The following ELP4 variants were observed in gnomAD, a reference collection of about 807,000 sequenced individuals.
The protein encoded by ELP4 is elongator acetyltransferase complex subunit 4, also known as elongator complex protein 4.
In ELP4, 51 loss-of-function variants were observed where a neutral mutation model predicts 48.9. The ratio of observed to expected loss-of-function variants is 1.04; its 90% CI spans 0.83 to 1.32. ELP4 has a LOEUF of 1.32. Ranked by LOEUF, ELP4 falls within the 40% of genes most tolerant of loss-of-function variation. The probability of loss-of-function intolerance (pLI) is 0.00; values close to 1 mark genes in which losing one functional copy is unlikely to be tolerated. For synonymous variants in ELP4, 210 were observed against 189.2 expected (o/e 1.11, Z -0.90); for missense variants, 519 against 514.6 (o/e 1.01, Z -0.08).
At chr11:31,536,337 A>C (rs1956501115) in intron 2 of ELP4, among the ~76,000 whole-genome samples, 1 of 151,950 alleles carries the variant, frequency 6.6e-6, no homozygotes, top group African/African-American at 2.4e-5. Context: ...AAACTGCCAA[A>C]CTGTTTTTGT....
intron 9 of ELP4, chr11:31,707,201 G>T: frequency 2.6e-6 from 1 of 387,530 alleles, no homozygotes; most frequent in Non-Finnish European, 4.6e-6. Context: ...CCCACCAACA[G>T]TGTAATACGT....
intron 9 of ELP4, among the ~76,000 whole-genome samples, chr11:31,740,134 G>A (rs796885550): frequency 6.6e-5 from 10 of 152,220 alleles, no homozygotes; most frequent in African/African-American, 9.6e-5. Context: ...TGGTTTGGCT[G>A]TCAGGCCTAG....
intron 4 of ELP4, among the ~76,000 whole-genome samples, chr11:31,596,000 A>G (rs1201015510): frequency 6.6e-6 from 1 of 152,024 alleles, no homozygotes; most frequent in African/African-American, 2.4e-5. Flanking sequence ...TCACTTTCTT[A>G]CTCACCAATG....
chr11:31,594,721 G>A, intron 3 of ELP4, 49 bp from the exon 4 acceptor site: 1 of 1,368,490 alleles, frequency 7.3e-7, no homozygotes. Context: ...TAAGAAAATT[G>A]TCATATTTTA....
Position 31,661,961 on chromosome 11 carries a change from G to C in ELP4, c.1143+11740G>C, listed in dbSNP as rs190599361. Among the ~76,000 whole-genome samples, 596 of 152,062 alleles carry C rather than the reference G, an allele frequency of 3.9e-3. 5 individuals are homozygous for C. Among genetic ancestry groups the C allele is most frequent in the African/African-American group, 0.014 (568 of 41,516 alleles). The stretch of plus-strand genomic sequence containing the variant: ...GATACCACTTCCATAACAGAATCTA[G>C]GACTAATCCTTATTGAAGAATCATC... On this transcript the variant is annotated intron_variant, in intron 9 of 9. Coordinates refer to ENST00000640961, the MANE Select transcript of ELP4 (RefSeq NM_019040.5).
chr11:31,546,826 G>A (rs1956730349), intron 3 of ELP4, among the ~76,000 whole-genome samples: 1 of 152,104 alleles, frequency 6.6e-6, no homozygotes, highest in Non-Finnish European at 1.5e-5. Context: ...TCAGGATTAA[G>A]AAACTCACTC....
intron 9 of ELP4, among the ~76,000 whole-genome samples, chr11:31,722,500 G>T (rs1000004608): frequency 2.6e-5 from 4 of 152,156 alleles, no homozygotes; most frequent in African/African-American, 9.7e-5. Context: ...AGTAAAAGTT[G>T]TAAAACCCTT....
At chr11:31,654,646 A>G (rs1284964639) in intron 9 of ELP4, 1 of 151,870 alleles carries the variant, frequency 6.6e-6, no homozygotes, top group African/African-American at 2.4e-5. Context: ...GGAAAAGCAT[A>G]AACTCTTACC....
At chr11:31,685,797 G>T (rs1028003369) in intron 9 of ELP4, among the ~76,000 whole-genome samples, 1 of 151,878 alleles carries the variant, frequency 6.6e-6, no homozygotes, top group African/African-American at 2.4e-5. Context: ...TGGGCATGGT[G>T]GCACACGCCT....
At chr11:31,651,230 C>G (rs1049913400) in intron 9 of ELP4, 1 of 151,638 alleles carries the variant, frequency 6.6e-6, no homozygotes, top group Non-Finnish European at 1.5e-5. Context: ...TTTTCTCTTT[C>G]CCTTCACATT....
chr11:31,582,560 A>G (rs1957409127), intron 3 of ELP4, among the ~76,000 whole-genome samples: 1 of 151,998 alleles, frequency 6.6e-6, no homozygotes, highest in Admixed American at 6.6e-5. Flanking sequence ...TGCTCCTGGC[A>G]TTGTTTTCAT....
chr11:31,609,770 G>C (rs931087920), intron 5 of ELP4, among the ~76,000 whole-genome samples: 24 of 152,118 alleles, frequency 1.6e-4, no homozygotes, highest in African/African-American at 5.8e-4. Context: ...CATGAGTCAT[G>C]CCTCTAATCC....
At chr11:31,660,101 T>C (rs1423597039) in intron 9 of ELP4, among the ~76,000 whole-genome samples, 1 of 152,204 alleles carries the variant, frequency 6.6e-6, no homozygotes. Flanking sequence ...TGTTTATTAA[T>C]TTTCTAAATA....
intron 3 of ELP4, among the ~76,000 whole-genome samples, chr11:31,547,791 A>G (rs1349717429): frequency 5.3e-5 from 8 of 152,208 alleles, no homozygotes; most frequent in Non-Finnish European, 1.2e-4. Context: ...ATCCACCACG[A>G]TCAAGTGGAC....
intron 3 of ELP4, among the ~76,000 whole-genome samples, chr11:31,592,560 G>A (rs1322093100): frequency 1.3e-5 from 2 of 149,086 alleles, no homozygotes; most frequent in African/African-American, 4.9e-5. Context: ...ACCTATATAT[G>A]TATATATAAG....
intron 9 of ELP4, among the ~76,000 whole-genome samples, chr11:31,705,814 A>G (rs959391857): frequency 3.3e-5 from 5 of 151,908 alleles, no homozygotes; most frequent in Non-Finnish European, 7.4e-5. Flanking sequence ...TCAGACTGAT[A>G]TATTTCTATA....
rs1957452515 is a variant in ELP4, at chr11:31,585,138, A to T, written c.382-9632A>T. On this transcript the variant is annotated intron_variant, in intron 3 of 9. Coordinates refer to ENST00000640961, the MANE Select transcript of ELP4 (RefSeq NM_019040.5). ...CAGTTGTGACAAACAAAACAAGAAA[A>T]GTCAAGGTTCAACCTAATGCCATAA... Among the ~76,000 whole-genome samples the T allele has an allele frequency of 2.0e-5, 3 of 152,220 alleles. 1 individual carries two copies. In the South Asian group the frequency reaches 6.2e-4, roughly 32 times the overall value.
intron 5 of ELP4, among the ~76,000 whole-genome samples, chr11:31,614,656 G>A (rs186837700): frequency 3.7e-4 from 56 of 152,286 alleles, no homozygotes; most frequent in Non-Finnish European, 1.5e-5. Context: ...AACATCACCA[G>A]TAGTGGGGAT....
chr11:31,596,293 T>C (rs998493036), intron 4 of ELP4, among the ~76,000 whole-genome samples: 1 of 152,148 alleles, frequency 6.6e-6, no homozygotes, highest in Non-Finnish European at 1.5e-5. Context: ...TAATACCAGC[T>C]ACTCAGAAGG....
Sources: gnomAD v4.1 joint callset for allele counts (sites outside exome capture counted in the v4.1 genomes callset) on GRCh38, gnomAD v4.1.1 for gene constraint, MANE v1.5 for transcripts, NCBI Gene and HGNC (gene_info 2026-07-23, HGNC 2026-07-21) for gene names.